ABHD17B: variants seen among roughly 807,000 people sequenced by gnomAD.
ABHD17B encodes the protein abhydrolase domain containing 17B, depalmitoylase, also known as alpha/beta hydrolase domain-containing protein 17B.
ABHD17B carries 9 observed loss-of-function variants against 26.2 expected under a neutral mutation model. The observed-to-expected ratio is 0.34, with a 90% confidence interval of 0.21 to 0.60. The LOEUF is 0.60. ABHD17B is among the 20% of genes least tolerant of loss of function. The pLI is 0.80. For missense variants in ABHD17B, 224 were observed against 352.1 expected, an observed-to-expected ratio of 0.64 and a Z score of 2.91; for synonymous variants, 127 against 122.3, an observed-to-expected ratio of 1.04 and a Z score of -0.25.
rs545330826 is a variant in ABHD17B at position 71,865,313 on chromosome 9, A to G, written c.*1474T>C. The G allele has an allele frequency of 5.1e-6, 5 of 985,434 alleles. No individual in the cohort carries two copies. The highest frequency in any genetic ancestry group is 1.7e-5 in the African/African-American group (1 of 57,352). The allele number at this position is 985,434 out of a possible 1,614,324, so 61.0% of individuals were successfully genotyped here. ...ACATAAGGCCTTAAAATATATCCAC[A>G]GTGTGTATTATTTCCATATTCATTC... On this transcript the variant is annotated 3_prime_UTR_variant, in exon 4 of 4. Transcript: ENST00000333421.
intron 1 of ABHD17B, among the ~76,000 whole-genome samples, chr9:71,892,675 AG>A (rs1426107119): frequency 6.7e-6 from 1 of 149,506 alleles, no homozygotes; most frequent in African/African-American, 2.5e-5. Context: ...GCAGGTGATA[AG>A]GTGGGGGAAG....
At chr9:71,889,478 T>C (rs1397571950) in intron 1 of ABHD17B, among the ~76,000 whole-genome samples, 2 of 152,116 alleles carry the variant, frequency 1.3e-5, no homozygotes, top group African/African-American at 4.8e-5. Flanking sequence ...AAACCTCCTC[T>C]GAGGAATCAG....
intron 1 of ABHD17B, among the ~76,000 whole-genome samples, chr9:71,895,041 G>T (rs1826914138): frequency 6.6e-6 from 1 of 152,146 alleles, no homozygotes; most frequent in Non-Finnish European, 1.5e-5. Context: ...GCTGAATTTT[G>T]TCAAAACAAA....
intron 1 of ABHD17B, among the ~76,000 whole-genome samples, chr9:71,906,917 C>T (rs1490115661): frequency 2.0e-5 from 3 of 152,070 alleles, no homozygotes; most frequent in African/African-American, 4.8e-5. Flanking sequence ...TCGACCATTA[C>T]ACTTGGTGGC....
Position 71,876,228 on chromosome 9 carries a change from G to T in ABHD17B, c.-3-1145C>A, listed in dbSNP as rs369656924. On this transcript the variant is annotated intron_variant, in intron 1 of 3. Transcript: ENST00000333421. ...AGAGTACAAGGTTTAAAGTTAGGAA[G>T]CTGGGGTAAAATCCTAACTCTACCA... Among the ~76,000 whole-genome samples, 15 of 152,322 alleles carry T rather than the reference G, an allele frequency of 9.8e-5. 1 individual carries two copies. Among genetic ancestry groups the T allele is most frequent in the Admixed American group, 5.2e-4 (8 of 15,300 alleles).
chr9:71,909,476 T>C (rs904730914), intron 1 of ABHD17B, among the ~76,000 whole-genome samples: 1 of 152,226 alleles, frequency 6.6e-6, no homozygotes, highest in African/African-American at 2.4e-5. Context: ...ATTCATGCTA[T>C]AAACATATGT....
chr9:71,879,925 CA>C (rs1826390943), intron 1 of ABHD17B, among the ~76,000 whole-genome samples: 1 of 152,136 alleles, frequency 6.6e-6, no homozygotes, highest in African/African-American at 2.4e-5. Flanking sequence ...CTCTGTAACC[CA>C]AACTCATAAC....
chr9:71,889,655 C>T (rs1055946150), intron 1 of ABHD17B, among the ~76,000 whole-genome samples: 6 of 151,960 alleles, frequency 3.9e-5, no homozygotes, highest in South Asian at 2.1e-4. Context: ...TGTTATCTAG[C>T]GACATGGAAG....
At chr9:71,909,942 A>T (rs979156249) in intron 1 of ABHD17B, among the ~76,000 whole-genome samples, 1 of 152,092 alleles carries the variant, frequency 6.6e-6, no homozygotes, top group African/African-American at 2.4e-5. Context: ...CACACAGTAC[A>T]ATCTAATTTG....
chr9:71,873,865 C>T (rs1264403914), intron 2 of ABHD17B, among the ~76,000 whole-genome samples: 1 of 152,122 alleles, frequency 6.6e-6, no homozygotes, highest in Admixed American at 6.6e-5. Flanking sequence ...TATAATCTCT[C>T]CCAATTTTAG....
chr9:71,884,063 A>G (rs1826533421), intron 1 of ABHD17B, among the ~76,000 whole-genome samples: 1 of 152,206 alleles, frequency 6.6e-6, no homozygotes. Context: ...ACTCAAGAAC[A>G]ATGGGCAAAA....
chr9:71,896,060 T>C (rs529858397), intron 1 of ABHD17B, among the ~76,000 whole-genome samples: 2 of 152,320 alleles, frequency 1.3e-5, no homozygotes, highest in South Asian at 4.1e-4. Context: ...AGCTATAATA[T>C]CTTAATTTCT....
chr9:71,906,531 C>T (rs967388678), intron 1 of ABHD17B, among the ~76,000 whole-genome samples: 2 of 152,098 alleles, frequency 1.3e-5, no homozygotes, highest in Admixed American at 6.6e-5. Context: ...AGCATCTGGC[C>T]GGGCACAGTG....
At chr9:71,880,809 A>T (rs1826419099) in intron 1 of ABHD17B, among the ~76,000 whole-genome samples, 1 of 152,098 alleles carries the variant, frequency 6.6e-6, no homozygotes, top group South Asian at 2.1e-4. Context: ...AGAATGACTT[A>T]ATAGCATTGA....
At chr9:71,890,630 C>A (rs181315019) in intron 1 of ABHD17B, among the ~76,000 whole-genome samples, 6 of 152,274 alleles carry the variant, frequency 3.9e-5, no homozygotes, top group Admixed American at 3.3e-4. Flanking sequence ...AGAGAATAAA[C>A]AGCAATTTTA....
intron 1 of ABHD17B, among the ~76,000 whole-genome samples, chr9:71,904,882 A>G (rs1471409100): frequency 6.6e-6 from 1 of 152,194 alleles, no homozygotes; most frequent in Non-Finnish European, 1.5e-5. Context: ...TTCACAATAA[A>G]GGGCAGTCAT....
At chr9:71,907,814 C>T (rs914731741) in intron 1 of ABHD17B, among the ~76,000 whole-genome samples, 2 of 152,130 alleles carry the variant, frequency 1.3e-5, no homozygotes, top group Admixed American at 6.5e-5. Flanking sequence ...CGAGCCTGGC[C>T]GGACACTTCG....
chr9:71,894,993 T>C (rs1055872185), intron 1 of ABHD17B, among the ~76,000 whole-genome samples: 2 of 152,190 alleles, frequency 1.3e-5, no homozygotes, highest in African/African-American at 4.8e-5. Context: ...TAGCAATGGC[T>C]GCCACACAGA....
At position 71,910,858 on chromosome 9, in the gene ABHD17B, C is replaced by G. The variant is rs1301158557; in HGVS notation, c.-228G>C. Reference sequence around the variant, plus strand: ...AGGGGCCCCGCTCACGCTCCCGAGTCTCGCCTCGCGCCGGCCCTGCTCCTC... The same window carrying G: ...AGGGGCCCCGCTCACGCTCCCGAGTGTCGCCTCGCGCCGGCCCTGCTCCTC... On this transcript the variant is annotated 5_prime_UTR_variant, in exon 1 of 4. Coordinates refer to ENST00000333421, the MANE Select transcript of ABHD17B (RefSeq NM_001025780.3). 1.3e-5 allele frequency: 2 copies of G among 152,042 alleles called. No homozygotes were observed. Among genetic ancestry groups the G allele is most frequent in the Non-Finnish European group, 2.9e-5 (2 of 67,962 alleles). 9.4% of individuals were successfully genotyped at this position (152,042 alleles called of 1,614,324 possible).
Sources: gnomAD v4.1 joint callset for allele counts (sites outside exome capture counted in the v4.1 genomes callset) on GRCh38, gnomAD v4.1.1 for gene constraint, MANE v1.5 for transcripts, NCBI Gene and HGNC (gene_info 2026-07-23, HGNC 2026-07-21) for gene names.